CWC27: variants seen among roughly 807,000 people sequenced by gnomAD.
CWC27 encodes spliceosome-associated protein CWC27 homolog.
CWC27 carries 47 observed loss-of-function variants against 63.6 expected under a neutral mutation model. The observed-to-expected ratio is 0.74, with a 90% CI of 0.58 to 0.94. The LOEUF is 0.94. Among genes scored for constraint, CWC27 ranks in the 40% least tolerant of loss-of-function variants. The probability of loss-of-function intolerance (pLI) is 0.00; values close to 1 mark genes in which losing one functional copy is unlikely to be tolerated. For missense variants in CWC27, 495 were observed against 554.3 expected (o/e 0.89, Z 1.07); for synonymous variants, 175 against 179.8 (o/e 0.97, Z 0.22).
intron 11 of CWC27, among the ~76,000 whole-genome samples, chr5:64,922,300 C>A (rs1748013100): frequency 6.6e-6 from 1 of 152,140 alleles, no homozygotes; most frequent in African/African-American, 2.4e-5. Context: ...TTTACATAAT[C>A]CCATATTTAT....
intron 11 of CWC27, among the ~76,000 whole-genome samples, chr5:64,968,405 A>C (rs551212157): frequency 1.1e-4 from 17 of 152,132 alleles, no homozygotes; most frequent in Non-Finnish European, 2.4e-4. Flanking sequence ...AGAAATGAAA[A>C]TATATGTTTG....
At chr5:64,903,656 C>A (rs112264124) in intron 11 of CWC27, among the ~76,000 whole-genome samples, 11,603 of 151,916 alleles carry the variant, frequency 0.076, 1,455 homozygotes, top group African/African-American at 0.26. Flanking sequence ...AACAAACCTG[C>A]ATGTTCTGCA....
At chr5:64,906,386 T>A (rs6864106) in intron 11 of CWC27, among the ~76,000 whole-genome samples, 140,381 of 152,250 alleles carry the variant, frequency 0.92, 64,741 homozygotes, top group East Asian at 0.99. Context: ...ATGGTATCTC[T>A]TGGCAGTTTT....
intron 7 of CWC27, among the ~76,000 whole-genome samples, chr5:64,790,853 T>C (rs1447154847): frequency 6.6e-6 from 1 of 152,182 alleles, no homozygotes; most frequent in East Asian, 1.9e-4. Flanking sequence ...TTTCTTATTT[T>C]GTAGAATAAA....
At chr5:64,986,669 TTTTTGTTTTATC>T (rs1168167568) in intron 13 of CWC27, among the ~76,000 whole-genome samples, 1 of 152,088 alleles carries the variant, frequency 6.6e-6, no homozygotes, top group East Asian at 1.9e-4. Flanking sequence ...GACCTGATGC[TTTTTGTTTTATC>T]AGAGCCCCCC....
chr5:64,860,561 T>C (rs553436413), intron 10 of CWC27, among the ~76,000 whole-genome samples: 1 of 152,332 alleles, frequency 6.6e-6, no homozygotes, highest in South Asian at 2.1e-4. Flanking sequence ...CCATGTTTTA[T>C]GATGGGTACC....
intron 11 of CWC27, among the ~76,000 whole-genome samples, chr5:64,963,004 T>G (rs527799378): frequency 6.6e-4 from 101 of 152,332 alleles, no homozygotes; most frequent in African/African-American, 2.4e-3. Flanking sequence ...TTGCCCAGGC[T>G]GGAGTGCAGG....
At chr5:64,946,377 A>G (rs1024039083) in intron 11 of CWC27, among the ~76,000 whole-genome samples, 6 of 152,212 alleles carry the variant, frequency 3.9e-5, no homozygotes, top group African/African-American at 7.2e-5. Flanking sequence ...CTAAAACTAT[A>G]TTGAATGCAA....
chr5:64,867,343 A>G (rs1216223730), intron 10 of CWC27, among the ~76,000 whole-genome samples: 1 of 152,086 alleles, frequency 6.6e-6, no homozygotes. Context: ...GTTTTACTGT[A>G]TATTGATATA....
At chr5:64,792,402 C>T (rs1316779943) in intron 7 of CWC27, among the ~76,000 whole-genome samples, 1 of 152,106 alleles carries the variant, frequency 6.6e-6, no homozygotes, top group Non-Finnish European at 1.5e-5. Context: ...TTATTGTTTC[C>T]ATTTTTTGTG....
chr5:64,780,583 A>G (rs902623902), intron 2 of CWC27, among the ~76,000 whole-genome samples: 1 of 148,230 alleles, frequency 6.7e-6, no homozygotes, highest in Non-Finnish European at 1.5e-5. Flanking sequence ...ATTACTTATA[A>G]CTATAATTAC....
chr5:64,777,947 C>T lies in CWC27; in HGVS notation c.139+3160C>T, dbSNP rs185235456. Among the ~76,000 whole-genome samples, 136 of 152,044 alleles carry T rather than the reference C, an allele frequency of 8.9e-4. 1 individual carries two copies. Among genetic ancestry groups the T allele is most frequent in the Non-Finnish European group, 1.5e-3 (101 of 67,964 alleles). On this transcript the variant is annotated intron_variant, in intron 2 of 13. Coordinates refer to ENST00000381070, the MANE Select transcript of CWC27 (RefSeq NM_005869.4). ...GTGTAGAGAGTATAGAAAATTTTTACTCATTTATATATAGTATAATAATTT... is the reference window on the plus strand; with the variant it reads ...GTGTAGAGAGTATAGAAAATTTTTATTCATTTATATATAGTATAATAATTT...
intron 11 of CWC27, among the ~76,000 whole-genome samples, chr5:64,931,748 C>T (rs984000570): frequency 6.6e-6 from 1 of 151,982 alleles, no homozygotes; most frequent in Non-Finnish European, 1.5e-5. Flanking sequence ...AATATTGCTA[C>T]TATGCCACTC....
At chr5:64,853,547 TA>T (rs1746186221) in intron 10 of CWC27, among the ~76,000 whole-genome samples, 1 of 152,176 alleles carries the variant, frequency 6.6e-6, no homozygotes. Context: ...TATTTGAGGG[TA>T]AGTAATGTCT....
At chr5:64,975,222 AT>A (rs1749206117) in intron 12 of CWC27, among the ~76,000 whole-genome samples, 1 of 152,114 alleles carries the variant, frequency 6.6e-6, no homozygotes, top group Admixed American at 6.5e-5. Flanking sequence ...TTTTGACACC[AT>A]TTGTCTTTAT....
chr5:64,831,133 T>C (rs191147274), intron 10 of CWC27, among the ~76,000 whole-genome samples: 1 of 152,222 alleles, frequency 6.6e-6, no homozygotes, highest in East Asian at 1.9e-4. Flanking sequence ...CAAACAGGTT[T>C]ACTCCTCATC....
intron 10 of CWC27, among the ~76,000 whole-genome samples, chr5:64,873,143 G>T (rs1056564405): frequency 6.6e-6 from 1 of 152,134 alleles, no homozygotes; most frequent in African/African-American, 2.4e-5. Context: ...CACGGAAGGT[G>T]TACAAAAGGA....
intron 1 of CWC27, among the ~76,000 whole-genome samples, chr5:64,771,219 A>G (rs905821375): frequency 5.9e-5 from 9 of 152,228 alleles, no homozygotes; most frequent in Non-Finnish European, 1.3e-4. Context: ...AAGAGTGTGG[A>G]CAAAAATTTG....
chr5:64,794,497 G>T (rs1207197439), intron 7 of CWC27, among the ~76,000 whole-genome samples: 3 of 152,026 alleles, frequency 2.0e-5, no homozygotes, highest in Non-Finnish European at 2.9e-5. Flanking sequence ...AACATCCTCT[G>T]CATTGTTTAG....
Sources: allele counts gnomAD v4.1 joint callset (sites outside exome capture counted in the v4.1 genomes callset), GRCh38; gene constraint gnomAD v4.1.1; transcripts MANE v1.5; gene names NCBI Gene and HGNC (gene_info 2026-07-23, HGNC 2026-07-21).